EYA2: variants seen among roughly 807,000 people sequenced by gnomAD.
EYA2 encodes protein phosphatase EYA2.
A neutral mutation model predicts 69.2 loss-of-function variants in EYA2; 31 were observed. The observed-to-expected ratio is 0.45, with a 90% CI of 0.34 to 0.60. The LOEUF is 0.60. EYA2 is among the 20% of genes least tolerant of loss of function. The pLI is 0.02. For missense variants in EYA2, 622 were observed against 701.2 expected (o/e 0.89, Z 1.28); for synonymous variants, 257 against 279.4 (o/e 0.92, Z 0.80).
chr20:46,981,003 A>AT lies in EYA2; in HGVS notation c.-10-8998_-10-8997insT, dbSNP rs561964270. On this transcript the variant is annotated intron_variant, in intron 1 of 15. Transcript: ENST00000327619. ...ACCACATTTTCTTTATCCATCCATCAATTGGTGGAGTGCGCTGACATTTGA... is the reference window on the plus strand; with the variant it reads ...ACCACATTTTCTTTATCCATCCATCATATTGGTGGAGTGCGCTGACATTTGA... 4.6e-5 allele frequency among the ~76,000 whole-genome samples: 7 copies of AT among 152,222 alleles called. No homozygotes were observed. The East Asian group carries it at 1.2e-3, about 25-fold the overall frequency.
At chr20:47,150,412 G>T (rs1014251189) in intron 10 of EYA2, among the ~76,000 whole-genome samples, 5 of 152,204 alleles carry the variant, frequency 3.3e-5, no homozygotes, top group African/African-American at 1.2e-4. Flanking sequence ...AATGTGAACA[G>T]TCTAGGGCCA....
At chr20:47,111,357 A>G (rs2032743812) in intron 9 of EYA2, among the ~76,000 whole-genome samples, 1 of 152,226 alleles carries the variant, frequency 6.6e-6, no homozygotes, top group Admixed American at 6.5e-5. Context: ...AACAATAAGC[A>G]TTTATTATTC....
chr20:47,117,051 C>T (rs561818033), intron 9 of EYA2, among the ~76,000 whole-genome samples: 3 of 138,098 alleles, frequency 2.2e-5, no homozygotes, highest in South Asian at 2.2e-4. Context: ...GACTTCAGTG[C>T]GGTAGTGCAG....
chr20:47,171,577 G>A (rs1377531599), intron 11 of EYA2, among the ~76,000 whole-genome samples: 1 of 152,050 alleles, frequency 6.6e-6, no homozygotes, highest in Non-Finnish European at 1.5e-5. Flanking sequence ...GGGAATGTGA[G>A]GCATAGAGAG....
intron 1 of EYA2, among the ~76,000 whole-genome samples, chr20:46,970,184 C>T (rs942751473): frequency 5.9e-5 from 9 of 152,334 alleles, no homozygotes; most frequent in South Asian, 4.1e-4. Context: ...GACTGAAGCG[C>T]GGTGAAAGTA....
chr20:47,097,611 T>G (rs2032291557), intron 9 of EYA2, among the ~76,000 whole-genome samples: 1 of 152,230 alleles, frequency 6.6e-6, no homozygotes, highest in South Asian at 2.1e-4. Context: ...CATTGTCAGC[T>G]CCAGTGTGGA....
rs116499083 is a variant in EYA2, at chr20:46,971,016, A to G, written c.-10-18985A>G. 1.3e-3 allele frequency among the ~76,000 whole-genome samples: 201 copies of G among 152,152 alleles called. 1 individual carries two copies. The highest frequency in any genetic ancestry group is 4.5e-3 in the African/African-American group (186 of 41,484). On this transcript the variant is annotated intron_variant, in intron 1 of 15. Transcript: ENST00000327619. ...AGTGCTGGGGCTGTGTGATGAGTTT[A>G]GGAAAGCTCATTAGATGAGTCTGAG...
rs578044921 is a variant in EYA2 at position 47,074,281 on chromosome 20, G to A, written c.607G>A (p.Val203Ile). ...TTCGCCCCTCTCCACGTCCACCTAC[G>A]TCCTCCAGGAGGCATCTCACAACGT... is the stretch of plus-strand genomic sequence containing the variant. The part of the protein sequence containing the change: ...CPSPLSTSTY[V>I]LQEASHNVPN... The change falls in exon 7 of 16, where the codon GTC (valine) becomes ATC (isoleucine). Residue 203 changes from valine to isoleucine, a missense_variant. By Grantham distance (29) the Val-to-Ile change is conservative. Transcript: ENST00000327619. 2.7e-5 allele frequency: 43 copies of A among 1,614,022 alleles called. No individual in the cohort carries two copies. Among genetic ancestry groups the A allele is most frequent in the Middle Eastern group, 3.3e-4 (2 of 6,062 alleles).
intron 8 of EYA2, among the ~76,000 whole-genome samples, chr20:47,095,375 A>G (rs1350398961): frequency 3.9e-5 from 6 of 152,124 alleles, no homozygotes; most frequent in Non-Finnish European, 2.9e-5. Flanking sequence ...ACTATTGGGA[A>G]TTTCACAAAA....
At chr20:47,022,626 TG>T (rs1983820631) in intron 5 of EYA2, among the ~76,000 whole-genome samples, 1 of 149,546 alleles carries the variant, frequency 6.7e-6, no homozygotes, top group East Asian at 2.0e-4. Flanking sequence ...AATTTTTAAC[TG>T]AGATATAACT....
At chr20:46,921,602 A>G (rs1008130782) in intron 1 of EYA2, among the ~76,000 whole-genome samples, 39 of 152,278 alleles carry the variant, frequency 2.6e-4, no homozygotes, top group Admixed American at 2.4e-3. Context: ...ATGGGGCCCA[A>G]TTCTGGGAAC....
chr20:47,163,746 C>T (rs1221078880), intron 10 of EYA2, among the ~76,000 whole-genome samples: 1 of 149,250 alleles, frequency 6.7e-6, no homozygotes, highest in East Asian at 2.0e-4. Context: ...TTCTGCACTG[C>T]TGGGTAGGAT....
rs73622690 is a variant in EYA2, at chr20:46,976,701, G to A, written c.-10-13300G>A. On this transcript the variant is annotated intron_variant, in intron 1 of 15. Coordinates refer to ENST00000327619, the MANE Select transcript of EYA2 (RefSeq NM_005244.5). The stretch of plus-strand genomic sequence containing the variant: ...TGCCCGGACCCTAAGAGAGTTTTTG[G>A]ATAAAGCTTTCCAATCAGGGAGTAA... 3.5e-3 allele frequency among the ~76,000 whole-genome samples: 536 copies of A among 152,322 alleles called. 12 individuals are homozygous for A. Among genetic ancestry groups the A allele is most frequent in the East Asian group, 8.1e-3 (42 of 5,182 alleles).
chr20:46,908,738 G>A lies in EYA2; in HGVS notation c.-11+13751G>A, dbSNP rs146407167. Among the ~76,000 whole-genome samples the A allele has an allele frequency of 1.2e-3, 179 of 151,984 alleles. 1 individual carries two copies. The highest frequency in any genetic ancestry group is 4.2e-3 in the African/African-American group (175 of 41,436). On this transcript the variant is annotated intron_variant, in intron 1 of 15. Transcript: ENST00000327619. ...TCTGAATTTTTAAGAGAAATGTCCC[G>A]CTTTTAAAATCACTATGAGGAACCA...
intron 11 of EYA2, among the ~76,000 whole-genome samples, chr20:47,172,337 C>T (rs923392246): frequency 6.6e-6 from 1 of 151,294 alleles, no homozygotes; most frequent in Admixed American, 6.6e-5. Flanking sequence ...CCCAGCTCCT[C>T]GGAAGGCTGA....
chr20:47,031,554 A>G (rs1404230556), intron 5 of EYA2, among the ~76,000 whole-genome samples: 1 of 152,204 alleles, frequency 6.6e-6, no homozygotes, highest in Non-Finnish European at 1.5e-5. Context: ...ACCTGTGACA[A>G]TGCCTGCCAG....
At chr20:47,071,199 A>G (rs4630820) in intron 5 of EYA2, among the ~76,000 whole-genome samples, 58,009 of 151,738 alleles carry the variant, frequency 0.38, 12,124 homozygotes, top group African/African-American at 0.56. Flanking sequence ...TAGTAGAGAC[A>G]GAATTTCACC....
At chr20:47,122,148 C>T (rs1246026604) in intron 9 of EYA2, among the ~76,000 whole-genome samples, 10 of 152,120 alleles carry the variant, frequency 6.6e-5, no homozygotes, top group Non-Finnish European at 1.2e-4. Flanking sequence ...CAGAAACCAC[C>T]CCCTATAAAT....
intron 10 of EYA2, among the ~76,000 whole-genome samples, chr20:47,157,127 G>A (rs2033968053): frequency 6.6e-6 from 1 of 151,810 alleles, no homozygotes; most frequent in South Asian, 2.1e-4. Flanking sequence ...AGCTGAGGAG[G>A]GCAGATCACT....
Sources: allele counts gnomAD v4.1 joint callset (sites outside exome capture counted in the v4.1 genomes callset), GRCh38; gene constraint gnomAD v4.1.1; transcripts MANE v1.5; gene names NCBI Gene and HGNC (gene_info 2026-07-23, HGNC 2026-07-21).